The following ENTREP2 variants were observed in gnomAD, a reference collection of about 807,000 sequenced individuals.
The protein encoded by ENTREP2 is endosomal transmembrane epsin interactor 2, also known as protein ENTREP2.
chr15:29,484,506 A>C, the ENTREP2 span, among the ~76,000 whole-genome samples: 1 of 152,192 alleles, frequency 6.6e-6, no homozygotes, highest in Non-Finnish European at 1.5e-5. Context: ...ACAAACACAA[A>C]CACTACCAAC....
chr15:29,241,348 C>T, the ENTREP2 span, among the ~76,000 whole-genome samples: 3 of 152,058 alleles, frequency 2.0e-5, no homozygotes, highest in Non-Finnish European at 4.4e-5. Flanking sequence ...CAAATGCATA[C>T]AGTATAAGCA....
chr15:29,321,990 T>A, the ENTREP2 span, among the ~76,000 whole-genome samples: 4 of 151,332 alleles, frequency 2.6e-5, no homozygotes, highest in East Asian at 2.0e-4. Context: ...AATTAAAATT[T>A]AAATTTAAAA....
chr15:29,159,008 G>A, the ENTREP2 span, among the ~76,000 whole-genome samples: 2 of 152,168 alleles, frequency 1.3e-5, no homozygotes, highest in Admixed American at 6.5e-5. Flanking sequence ...TAGCCTACAC[G>A]TTAAAAACAT....
At chr15:29,489,888 T>C in the ENTREP2 span, among the ~76,000 whole-genome samples, 5 of 152,344 alleles carry the variant, frequency 3.3e-5, no homozygotes, top group East Asian at 7.7e-4. Flanking sequence ...GCTGATGCTT[T>C]TGATGCATCC....
At chr15:29,292,012 C>T in the ENTREP2 span, among the ~76,000 whole-genome samples, 17 of 152,278 alleles carry the variant, frequency 1.1e-4, no homozygotes, top group Non-Finnish European at 1.5e-5. Flanking sequence ...GGACACAATC[C>T]AGGCTCCCAT....
At chr15:29,335,541 T>A in the ENTREP2 span, among the ~76,000 whole-genome samples, 1 of 152,312 alleles carries the variant, frequency 6.6e-6, no homozygotes, top group East Asian at 1.9e-4. Context: ...CCAATAAAAA[T>A]GACCTTCTGG....
chr15:29,578,023 C>A, the ENTREP2 span, among the ~76,000 whole-genome samples: 10 of 152,096 alleles, frequency 6.6e-5, 1 homozygote, highest in African/African-American at 2.4e-4. Context: ...ACTTGCACAA[C>A]TATGGGAATG....
chr15:29,654,521 ACATGAATTTT>A, the ENTREP2 span, among the ~76,000 whole-genome samples: 130 of 152,346 alleles, frequency 8.5e-4, no homozygotes, highest in African/African-American at 2.9e-3. Context: ...ATAAGAACTT[ACATGAATTTT>A]TAAATTCCCC....
chr15:29,539,918 C>G, the ENTREP2 span, among the ~76,000 whole-genome samples: 2 of 152,152 alleles, frequency 1.3e-5, no homozygotes, highest in Non-Finnish European at 2.9e-5. Flanking sequence ...GGACGCCCAC[C>G]TAGCTGCAAA....
chr15:29,618,195 G>A, the ENTREP2 span, among the ~76,000 whole-genome samples: 14 of 151,952 alleles, frequency 9.2e-5, no homozygotes, highest in African/African-American at 3.1e-4. Context: ...AGGCCGAGTC[G>A]GGCAGATCAC....
At chr15:29,240,320 C>T in the ENTREP2 span, among the ~76,000 whole-genome samples, 2 of 150,682 alleles carry the variant, frequency 1.3e-5, no homozygotes, top group Admixed American at 1.3e-4. Flanking sequence ...GCAGAGATTG[C>T]ACCATTCACT....
the ENTREP2 span, among the ~76,000 whole-genome samples, chr15:29,351,813 T>A: frequency 5.5e-5 from 8 of 146,420 alleles, no homozygotes; most frequent in South Asian, 1.4e-3. Context: ...ACAGCTTTTT[T>A]ATTTTTTTTT....
At chr15:29,301,663 G>T in the ENTREP2 span, among the ~76,000 whole-genome samples, 1 of 152,146 alleles carries the variant, frequency 6.6e-6, no homozygotes, top group East Asian at 1.9e-4. Flanking sequence ...GGAAACCCTG[G>T]TTCTGTAATC....
the ENTREP2 span, among the ~76,000 whole-genome samples, chr15:29,414,631 G>A: frequency 6.6e-6 from 1 of 151,942 alleles, no homozygotes; most frequent in Non-Finnish European, 1.5e-5. Flanking sequence ...CTAGCAGAAG[G>A]CAAGAAATAA....
chr15:29,513,580 G>T, the ENTREP2 span, among the ~76,000 whole-genome samples: 2 of 152,156 alleles, frequency 1.3e-5, no homozygotes, highest in Non-Finnish European at 2.9e-5. Flanking sequence ...CATTTAAAAA[G>T]GCGTGGGGTG....
At chr15:29,375,268 C>G in the ENTREP2 span, 2 of 152,164 alleles carry the variant, frequency 1.3e-5, no homozygotes, top group Admixed American at 1.3e-4. Context: ...TGGGAAAACC[C>G]TAATTTTGTG....
the ENTREP2 span, among the ~76,000 whole-genome samples, chr15:29,219,444 T>G: frequency 6.6e-6 from 1 of 151,750 alleles, no homozygotes; most frequent in African/African-American, 2.4e-5. Flanking sequence ...AGAACTACCA[T>G]TTGATCCAGC....
the ENTREP2 span, among the ~76,000 whole-genome samples, chr15:29,439,334 A>C: frequency 0.023 from 2,264 of 99,710 alleles, 62 homozygotes; most frequent in African/African-American, 0.073. Flanking sequence ...CACACACACA[A>C]ACAGTAGAGG....
the ENTREP2 span, chr15:29,269,837 G>A: frequency 2.2e-6 from 2 of 893,624 alleles, no homozygotes; most frequent in Non-Finnish European, 3.1e-6. Flanking sequence ...GCTGCGTCAT[G>A]AAGCCTGCGC....
Sources: gnomAD v4.1 joint callset for allele counts (sites outside exome capture counted in the v4.1 genomes callset) on GRCh38, gnomAD v4.1.1 for gene constraint, MANE v1.5 for transcripts, NCBI Gene and HGNC (gene_info 2026-07-23, HGNC 2026-07-21) for gene names.